Variants in CCDC18 observed in about 807,000 individuals in gnomAD.
CCDC18 encodes the protein coiled-coil domain-containing protein 18.
A neutral mutation model predicts 196.0 loss-of-function variants in CCDC18; 157 were observed. That is an observed-to-expected ratio of 0.80 (90% CI 0.70 to 0.91). CCDC18 has a LOEUF of 0.91. Among genes scored for constraint, CCDC18 ranks in the 40% least tolerant of loss-of-function variants. The pLI is 0.00. For synonymous variants in CCDC18, 482 were observed against 529.2 expected, an observed-to-expected ratio of 0.91 and a Z score of 1.22; for missense variants, 1,465 against 1,611.6, an observed-to-expected ratio of 0.91 and a Z score of 1.56.
At chr1:93,180,444 GTCCTAT>G, upstream of CCDC18, 4 of 1,340,434 alleles carry the variant, frequency 3.0e-6, no homozygotes, top group Non-Finnish European at 4.1e-6. Flanking sequence ...GGGGCTAGCA[GTCCTAT>G]TCCGCAACCG....
At chr1:93,194,174 T>C (rs186542752) in intron 6 of CCDC18, among the ~76,000 whole-genome samples, 1 of 152,140 alleles carries the variant, frequency 6.6e-6, no homozygotes, top group Non-Finnish European at 1.5e-5. Flanking sequence ...CCTGTGAATG[T>C]GTGCTTGGAT....
chr1:93,255,225 A>G (rs1176676529), intron 24 of CCDC18, among the ~76,000 whole-genome samples: 1 of 152,102 alleles, frequency 6.6e-6, no homozygotes, highest in African/African-American at 2.4e-5. Flanking sequence ...TGCTGGGATT[A>G]CAGGCGTGAG....
At chr1:93,211,103 C>T (rs1191437492) in intron 10 of CCDC18, among the ~76,000 whole-genome samples, 177 bp downstream of exon 10, 2 of 151,946 alleles carry the variant, frequency 1.3e-5, no homozygotes, top group Non-Finnish European at 2.9e-5. Context: ...GGTGAAACCT[C>T]GTCTCTACTA....
chr1:93,179,946 G>A (rs1649236335), upstream of CCDC18: 2 of 1,249,302 alleles, frequency 1.6e-6, no homozygotes, highest in Admixed American at 2.7e-5. Flanking sequence ...AACGGCCCTC[G>A]CCTCTTCACC....
At chr1:93,232,251 A>C (rs905765867) in intron 17 of CCDC18, among the ~76,000 whole-genome samples, 175 bp from the exon 18 acceptor site, 2 of 152,198 alleles carry the variant, frequency 1.3e-5, no homozygotes, top group African/African-American at 2.4e-5. Context: ...CTTCCAGTAC[A>C]TCTCCCCATT....
At chr1:93,242,192 T>A (rs2100872212) in intron 21 of CCDC18, among the ~76,000 whole-genome samples, 1 of 152,344 alleles carries the variant, frequency 6.6e-6, no homozygotes, top group Non-Finnish European at 1.5e-5. Flanking sequence ...TAGTCCGTTT[T>A]CATGCTGCTG....
At chr1:93,264,349 G>T (rs1227364797) in intron 26 of CCDC18, among the ~76,000 whole-genome samples, 1 of 152,128 alleles carries the variant, frequency 6.6e-6, no homozygotes, top group African/African-American at 2.4e-5. Flanking sequence ...ACAATACCAT[G>T]ATCACACCTA....
At position 93,212,083 on chromosome 1, in the gene CCDC18, T is replaced by TC. The variant is rs772710751; in HGVS notation, c.1335-17dup. ...AGAATCTTTCTAATAATTTTTCCCT[T>TC]CTTTTCTTTTGTGCCAGAATTAAGC... On this transcript the variant is annotated splice_polypyrimidine_tract_variant and intron_variant, in intron 10 of 28. Transcript: ENST00000690025. 2.6e-5 allele frequency: 41 copies of TC among 1,584,882 alleles called. No individual in the cohort carries two copies. The highest frequency in any genetic ancestry group is 2.0e-4 in the South Asian group (17 of 84,754).
chr1:93,191,108 G>A, intron 4 of CCDC18: 4 of 548,506 alleles, frequency 7.3e-6, no homozygotes, highest in South Asian at 7.3e-5. Flanking sequence ...TTTTTTTGGA[G>A]CAATTGAGTT....
chr1:93,223,738 A>G (rs1657813038), intron 16 of CCDC18, among the ~76,000 whole-genome samples: 1 of 152,066 alleles, frequency 6.6e-6, no homozygotes, highest in South Asian at 2.1e-4. Context: ...AGATTCCCCA[A>G]AACCCCCACA....
chr1:93,246,574 A>G (rs751563474), intron 22 of CCDC18, among the ~76,000 whole-genome samples: 52 of 152,164 alleles, frequency 3.4e-4, no homozygotes, highest in Non-Finnish European at 6.0e-4. Context: ...TATTGTTTCT[A>G]TAATGTATAT....
chr1:93,234,056 T>C (rs1659649939), intron 18 of CCDC18, among the ~76,000 whole-genome samples: 1 of 152,240 alleles, frequency 6.6e-6, no homozygotes, highest in Non-Finnish European at 1.5e-5. Context: ...TCATTGACTC[T>C]GGTTCTTGCA....
At chr1:93,182,232 G>A (rs1649842533) in intron 1 of CCDC18, among the ~76,000 whole-genome samples, 1 of 152,166 alleles carries the variant, frequency 6.6e-6, no homozygotes. Context: ...CTTTCCATAA[G>A]GTGGGAGTTT....
Position 93,270,556 on chromosome 1 carries a change from T to C in CCDC18, c.4095T>C (p.His1365=), listed in dbSNP as rs796869248. The C allele has an allele frequency of 2.6e-6, 4 of 1,550,314 alleles. No homozygotes were observed. In the Admixed American group the frequency reaches 7.8e-5, roughly 30 times the overall value. Residue 1365 remains histidine, a synonymous_variant, in exon 28 of 29, where the codon CAT becomes CAC. Coordinates refer to ENST00000690025, the MANE Select transcript of CCDC18 (RefSeq NM_001378204.1). The stretch of plus-strand genomic sequence containing the variant: ...CCAGTGATCTTACTTTCAAAATTCA[T>C]GGTGATGAAGATCTTTCTGAAGAAT... ...ISASDLTFKI[H]GDEDLSEELL... is the part of the protein sequence containing the mutation.
intron 21 of CCDC18, among the ~76,000 whole-genome samples, chr1:93,241,722 T>TCAA (rs1206330957): frequency 6.1e-5 from 2 of 32,610 alleles, no homozygotes; most frequent in African/African-American, 7.2e-4. Context: ...AGACTCCATC[T>TCAA]CAAAAAAAAA....
chr1:93,269,810 T>A (rs541450126), intron 27 of CCDC18: 1 of 152,078 alleles, frequency 6.6e-6, no homozygotes, highest in Non-Finnish European at 1.5e-5. Flanking sequence ...ATGAAAAAAA[T>A]TGAAATGAAA....
intron 18 of CCDC18, among the ~76,000 whole-genome samples, chr1:93,233,481 A>C (rs1033758283): frequency 6.6e-6 from 1 of 151,898 alleles, no homozygotes; most frequent in African/African-American, 2.4e-5. Flanking sequence ...ATCTTACTGT[A>C]TTTTCCTTTT....
chr1:93,237,562 A>C (rs1356572445), intron 19 of CCDC18, among the ~76,000 whole-genome samples: 1 of 152,152 alleles, frequency 6.6e-6, no homozygotes, highest in African/African-American at 2.4e-5. Context: ...TCCCCTAAGG[A>C]CATTGCTTCT....
chr1:93,181,643 T>C (rs1557589139), intron 1 of CCDC18, among the ~76,000 whole-genome samples: 2 of 151,506 alleles, frequency 1.3e-5, no homozygotes. Context: ...TGAGACCGAG[T>C]CTCACTCTGT....
Sources: gnomAD v4.1 joint callset for allele counts (sites outside exome capture counted in the v4.1 genomes callset) on GRCh38, gnomAD v4.1.1 for gene constraint, MANE v1.5 for transcripts, NCBI Gene and HGNC (gene_info 2026-07-23, HGNC 2026-07-21) for gene names.